TBC1D9B: variants seen among roughly 807,000 people sequenced by gnomAD.
The protein encoded by TBC1D9B is TBC1 domain family, member 9B (with GRAM domain).
In TBC1D9B, 87 loss-of-function variants were observed where a neutral mutation model predicts 121.1. The observed-to-expected ratio is 0.72, with a 90% CI of 0.60 to 0.86. The LOEUF (loss-of-function observed/expected upper bound fraction) is 0.86, where lower values mean the gene tolerates loss of function less well. Among genes scored for constraint, TBC1D9B ranks in the 40% least tolerant of loss-of-function variants. The pLI is 0.00. For synonymous variants in TBC1D9B, 668 were observed against 670.1 expected, an observed-to-expected ratio of 1.00 and a Z score of 0.05; for missense variants, 1,540 against 1,628.6, an observed-to-expected ratio of 0.95 and a Z score of 0.94.
intron 15 of TBC1D9B, chr5:179,870,805 G>T: frequency 2.6e-6 from 1 of 380,076 alleles, no homozygotes; most frequent in East Asian, 4.9e-5. Flanking sequence ...GAGGCCTGAG[G>T]CTTGCTCTCG....
intron 7 of TBC1D9B, chr5:179,884,354 G>A (rs77968431): frequency 0.048 from 7,364 of 152,108 alleles, 606 homozygotes; most frequent in African/African-American, 0.17. Flanking sequence ...CTTCCTTCCC[G>A]CCATTGCCTC....
intron 4 of TBC1D9B, 93 bp from the exon 5 acceptor site, chr5:179,893,560 T>C: frequency 6.8e-7 from 1 of 1,478,674 alleles, no homozygotes; most frequent in Non-Finnish European, 9.0e-7. Context: ...CCCAGGGAAC[T>C]GCTCTCTGGG....
chr5:179,870,475 C>G lies in TBC1D9B; in HGVS notation c.2505G>C (p.Gln835His). 1 of 1,610,880 alleles carries G rather than the reference C, an allele frequency of 6.2e-7. No individual in the cohort carries two copies. The highest frequency in any genetic ancestry group is 8.5e-7 in the Non-Finnish European group (1 of 1,179,762). The stretch of plus-strand genomic sequence containing the variant: ...CCATTGTGCGGCTGCACCCCCAGTA[C>G]TGGCTAGCCAGGTGCTTGGCCTGTG... ...MVFKAKHLAS[Q>H]YWGCSRTMAG... is the part of the protein sequence containing the mutation. The change falls in exon 16 of 21, where the codon CAG (glutamine) becomes CAC (histidine). Residue 835 changes from glutamine (Q) to histidine (H), a missense_variant. Coordinates refer to ENST00000355235, the MANE Select transcript of TBC1D9B (RefSeq NM_015043.4).
intron 10 of TBC1D9B, 111 bp from the exon 11 acceptor site, chr5:179,876,148 C>G: frequency 1.4e-6 from 1 of 734,070 alleles, no homozygotes; most frequent in Non-Finnish European, 2.1e-6. Context: ...ACATGATCTT[C>G]TTTTTGTTGT....
rs1282116247 is a variant in TBC1D9B at position 179,863,248 on chromosome 5, G to A, written c.*200C>T. On this transcript the variant is annotated 3_prime_UTR_variant, in exon 21 of 21. Transcript: ENST00000355235. This position sits in a 1 kb window ranked among gnomAD's most constrained non-coding sequence, Gnocchi z 4.5. ...CCTCTTCCTGGGCCCAGAAGCAGCCGGCGCCAGGAGATGCAGGCCCAGGGA... is the reference window on the plus strand; with the variant it reads ...CCTCTTCCTGGGCCCAGAAGCAGCCAGCGCCAGGAGATGCAGGCCCAGGGA... The A allele has an allele frequency of 1.6e-5, 10 of 618,082 alleles. No individual in the cohort carries two copies. Among genetic ancestry groups the A allele is most frequent in the East Asian group, 1.5e-4 (5 of 34,356 alleles). 38.3% of individuals were successfully genotyped at this position (618,082 alleles called of 1,614,324 possible).
intron 4 of TBC1D9B, 72 bp downstream of exon 4, chr5:179,894,314 G>T: frequency 7.3e-7 from 1 of 1,372,226 alleles, no homozygotes; most frequent in Non-Finnish European, 1.0e-6. Flanking sequence ...TGTGGGGATG[G>T]AGTATCTGGG....
chr5:179,869,585 G>A, intron 17 of TBC1D9B, 184 bp downstream of exon 17: 1 of 719,516 alleles, frequency 1.4e-6, no homozygotes, highest in South Asian at 1.5e-5. Context: ...CCAGGCCAAG[G>A]CCCTGCTCTC....
chr5:179,867,988 G>A (rs547126519), intron 17 of TBC1D9B, 139 bp from the exon 18 acceptor site: 6 of 624,524 alleles, frequency 9.6e-6, no homozygotes, highest in African/African-American at 7.3e-5. Flanking sequence ...CCATGACAGT[G>A]CCCGGTAATA....
intron 18 of TBC1D9B, 173 bp from the exon 19 acceptor site, chr5:179,866,061 A>G: frequency 1.5e-6 from 1 of 673,478 alleles, no homozygotes; most frequent in Non-Finnish European, 2.5e-6. Flanking sequence ...GCCCCGCCCT[A>G]TGGCACCAGA....
At chr5:179,870,179 A>G in intron 16 of TBC1D9B, 76 bp downstream of exon 16, 1 of 1,581,736 alleles carries the variant, frequency 6.3e-7, no homozygotes, top group Non-Finnish European at 8.6e-7. Flanking sequence ...AACAGACAGG[A>G]GATGCTGGCA....
rs1760314334 is a variant in TBC1D9B, at chr5:179,874,879, GGAGAAGGAACCCGGCAT to G, written c.2186+6_2186+22del. ...GGGGTTCTGCTGTGAGCCCCCAGCAGGAGAAGGAACCCGGCATGTCACCTGCCCAGCATGGTCATGGC... is the reference window on the plus strand; with the variant it reads ...GGGGTTCTGCTGTGAGCCCCCAGCAGGTCACCTGCCCAGCATGGTCATGGC... On this transcript the variant is annotated splice_donor_region_variant and intron_variant, in intron 12 of 20. Coordinates refer to ENST00000355235, the MANE Select transcript of TBC1D9B (RefSeq NM_015043.4). This position sits in a 1 kb window ranked among gnomAD's most constrained non-coding sequence, Gnocchi z 4.3. 2 of 1,608,934 alleles carry G rather than the reference GGAGAAGGAACCCGGCAT, an allele frequency of 1.2e-6. No homozygotes were observed. The highest frequency in any genetic ancestry group is 1.7e-6 in the Non-Finnish European group (2 of 1,178,118).
rs756252496 is a variant in TBC1D9B at position 179,888,058 on chromosome 5, T to C, written c.1254+45A>G. 5.0e-6 allele frequency: 8 copies of C among 1,608,360 alleles called. No homozygotes were observed. In the East Asian group the frequency reaches 1.8e-4, roughly 36 times the overall value. On this transcript the variant is annotated intron_variant, in intron 7 of 20. Transcript: ENST00000355235. Reference sequence around the variant, plus strand: ...GGGAGGCTGATGGATGCCCTGGCTCTTCCTGGGCCCAACTCGACCCTGCTG... The same window carrying C: ...GGGAGGCTGATGGATGCCCTGGCTCCTCCTGGGCCCAACTCGACCCTGCTG...
At chr5:179,896,917 C>T (rs996889254) in intron 3 of TBC1D9B, among the ~76,000 whole-genome samples, 1 of 151,032 alleles carries the variant, frequency 6.6e-6, no homozygotes, top group Non-Finnish European at 1.5e-5. Flanking sequence ...CTCCTCACAG[C>T]GTATTTTGAG....
At position 179,875,300 on chromosome 5, in the gene TBC1D9B, G is replaced by A; in HGVS notation, c.1901-113C>T. ...CAGCCCTGCCAGCTGTGCAGTGAGGGCTGAGGGAGACTTGGAGTGCTGGGA... is the reference window on the plus strand; with the variant it reads ...CAGCCCTGCCAGCTGTGCAGTGAGGACTGAGGGAGACTTGGAGTGCTGGGA... On this transcript the variant is annotated intron_variant, in intron 11 of 20. Coordinates refer to ENST00000355235, the MANE Select transcript of TBC1D9B (RefSeq NM_015043.4). The surrounding 1 kb of genome is among the most constrained non-coding windows in gnomAD (Gnocchi z 4.5). 2.3e-6 allele frequency: 3 copies of A among 1,328,346 alleles called. No homozygotes were observed. The highest frequency in any genetic ancestry group is 1.5e-5 in the African/African-American group (1 of 68,270). The allele number at this position is 1,328,346 out of a possible 1,614,324, so 82.3% of individuals were successfully genotyped here.
intron 6 of TBC1D9B, among the ~76,000 whole-genome samples, chr5:179,888,927 G>A (rs567574883): frequency 1.8e-4 from 28 of 152,282 alleles, no homozygotes; most frequent in Admixed American, 5.2e-4. Flanking sequence ...GAGATGGGTG[G>A]GGGCACAGCA....
chr5:179,879,852 G>A (rs940315806), intron 7 of TBC1D9B, 63 bp from the exon 8 acceptor site: 43 of 1,510,296 alleles, frequency 2.8e-5, no homozygotes, highest in Admixed American at 1.5e-4. Flanking sequence ...CCTCTGATGC[G>A]CCCATCCATC....
At chr5:179,883,235 T>C (rs76603759) in intron 7 of TBC1D9B, among the ~76,000 whole-genome samples, 7,149 of 152,288 alleles carry the variant, frequency 0.047, 572 homozygotes, top group African/African-American at 0.16. Context: ...TGTGTTGATT[T>C]TTCTAGACAT....
At chr5:179,880,295 C>T (rs983118030) in intron 7 of TBC1D9B, among the ~76,000 whole-genome samples, 13 of 152,234 alleles carry the variant, frequency 8.5e-5, no homozygotes, top group Non-Finnish European at 1.6e-4. Context: ...ACCCAGGGAG[C>T]ATGCAAGGCC....
chr5:179,889,263 C>T (rs755553456), intron 6 of TBC1D9B, among the ~76,000 whole-genome samples: 53 of 152,106 alleles, frequency 3.5e-4, no homozygotes, highest in Non-Finnish European at 5.9e-4. Flanking sequence ...CTCCTGACCT[C>T]GTGACCCACC....
Sources: allele counts gnomAD v4.1 joint callset (sites outside exome capture counted in the v4.1 genomes callset), GRCh38; gene constraint gnomAD v4.1.1; non-coding constraint Gnocchi (gnomAD v3.1); transcripts MANE v1.5; gene names NCBI Gene and HGNC (gene_info 2026-07-23, HGNC 2026-07-21).